LRRC4C: variants seen among roughly 807,000 people sequenced by gnomAD.
LRRC4C encodes leucine rich repeat containing 4C, also known as leucine-rich repeat-containing protein 4C.
A neutral mutation model predicts 33.6 loss-of-function variants in LRRC4C; 5 were observed. The observed-to-expected ratio is 0.15, with a 90% CI of 0.08 to 0.31. The LOEUF is 0.31. LRRC4C is among the 10% of genes least tolerant of loss of function. LRRC4C has a pLI of 1.00. For synonymous variants in LRRC4C, 329 were observed against 302.0 expected, an observed-to-expected ratio of 1.09 and a Z score of -0.93; for missense variants, 560 against 796.7, an observed-to-expected ratio of 0.70 and a Z score of 3.58.
At chr11:40,716,579 A>T (rs1207353216) in intron 2 of LRRC4C, among the ~76,000 whole-genome samples, 3 of 152,142 alleles carry the variant, frequency 2.0e-5, no homozygotes, top group Non-Finnish European at 4.4e-5. Flanking sequence ...TACTTACGAC[A>T]TTGCTCCCAC....
At chr11:41,405,519 G>T (rs918177463) in intron 1 of LRRC4C, among the ~76,000 whole-genome samples, 2 of 152,090 alleles carry the variant, frequency 1.3e-5, no homozygotes, top group African/African-American at 4.8e-5. Flanking sequence ...AGAACCATAT[G>T]CAAACCAGGT....
intron 4 of LRRC4C, among the ~76,000 whole-genome samples, chr11:40,271,183 T>C (rs1406056757): frequency 1.3e-5 from 2 of 152,080 alleles, no homozygotes; most frequent in Non-Finnish European, 2.9e-5. Flanking sequence ...GGTCTCCTAT[T>C]CCAAAACCAG....
At chr11:41,411,332 T>C (rs1321022738) in intron 1 of LRRC4C, among the ~76,000 whole-genome samples, 2 of 151,188 alleles carry the variant, frequency 1.3e-5, no homozygotes, top group Non-Finnish European at 2.9e-5. Flanking sequence ...GTATTTTTAG[T>C]GGAGACGGGG....
intron 4 of LRRC4C, among the ~76,000 whole-genome samples, chr11:40,282,992 A>G (rs1943581704): frequency 2.0e-5 from 3 of 152,180 alleles, no homozygotes; most frequent in African/African-American, 7.2e-5. Context: ...TCAAACTTAA[A>G]ATTTACATTC....
At chr11:41,260,816 A>G (rs1289841870) in intron 1 of LRRC4C, among the ~76,000 whole-genome samples, 3 of 151,996 alleles carry the variant, frequency 2.0e-5, no homozygotes, top group African/African-American at 7.2e-5. Context: ...ATACCACAGA[A>G]CTTGCTATTC....
intron 1 of LRRC4C, among the ~76,000 whole-genome samples, chr11:40,965,077 A>C (rs948989864): frequency 3.3e-5 from 5 of 152,072 alleles, no homozygotes; most frequent in East Asian, 1.9e-4. Flanking sequence ...CTGGTGTGAG[A>C]TGGTATCTCA....
chr11:41,215,185 A>C (rs1479525073), intron 1 of LRRC4C, among the ~76,000 whole-genome samples: 1 of 151,636 alleles, frequency 6.6e-6, no homozygotes, highest in Non-Finnish European at 1.5e-5. Context: ...CTATCAATTG[A>C]AAAAAATTTT....
intron 1 of LRRC4C, among the ~76,000 whole-genome samples, chr11:41,071,545 T>A (rs1273650946): frequency 6.6e-6 from 1 of 152,198 alleles, no homozygotes; most frequent in Non-Finnish European, 1.5e-5. Flanking sequence ...GTATACTGAA[T>A]ACTTTAATCC....
intron 1 of LRRC4C, among the ~76,000 whole-genome samples, chr11:41,283,576 T>C (rs1483670972): frequency 2.6e-5 from 4 of 152,226 alleles, no homozygotes; most frequent in Admixed American, 2.6e-4. Flanking sequence ...TCAGTGTCCA[T>C]AAATGTTTTA....
chr11:41,452,906 C>G (rs1300759220), intron 1 of LRRC4C, among the ~76,000 whole-genome samples: 1 of 152,032 alleles, frequency 6.6e-6, no homozygotes, highest in Non-Finnish European at 1.5e-5. Context: ...ACTATTACTA[C>G]TAATGATTAT....
chr11:41,176,632 A>T (rs1945209820), intron 1 of LRRC4C, among the ~76,000 whole-genome samples: 2 of 152,194 alleles, frequency 1.3e-5, no homozygotes, highest in African/African-American at 4.8e-5. Context: ...TCTAATAGTT[A>T]TAAATACTGT....
chr11:40,926,064 GGGTT>G (rs1957396419), intron 2 of LRRC4C, among the ~76,000 whole-genome samples: 1 of 128,486 alleles, frequency 7.8e-6, no homozygotes, highest in African/African-American at 2.5e-5. Flanking sequence ...CCAAATCTAA[GGGTT>G]TTTTGTTGTT....
intron 1 of LRRC4C, among the ~76,000 whole-genome samples, chr11:41,440,934 A>C (rs1311758398): frequency 6.6e-6 from 1 of 152,168 alleles, no homozygotes; most frequent in Non-Finnish European, 1.5e-5. Flanking sequence ...TAAATTACCC[A>C]ATCCCAGGTA....
intron 1 of LRRC4C, among the ~76,000 whole-genome samples, chr11:40,993,063 TTAAAA>T (rs1385154354): frequency 2.0e-4 from 31 of 152,206 alleles, no homozygotes; most frequent in Non-Finnish European, 3.7e-4. Context: ...ACTATGGCAA[TTAAAA>T]TAAAATAATA....
intron 3 of LRRC4C, among the ~76,000 whole-genome samples, chr11:40,533,613 C>T (rs1956357904): frequency 6.6e-6 from 1 of 152,124 alleles, no homozygotes; most frequent in South Asian, 2.1e-4. Flanking sequence ...GGTTTTATAG[C>T]TGTTGCTTTT....
intron 3 of LRRC4C, among the ~76,000 whole-genome samples, chr11:40,411,278 T>C (rs1272469357): frequency 1.3e-5 from 2 of 152,144 alleles, no homozygotes; most frequent in Non-Finnish European, 1.5e-5. Context: ...CTTACTTAGT[T>C]CACTTTTTGT....
chr11:40,936,286 T>C (rs1003932417), intron 1 of LRRC4C, among the ~76,000 whole-genome samples: 93 of 149,958 alleles, frequency 6.2e-4, no homozygotes, highest in African/African-American at 2.1e-3. Context: ...GAGAAATATG[T>C]CATATGCTAA....
intron 2 of LRRC4C, among the ~76,000 whole-genome samples, chr11:40,765,333 G>A (rs991327215): frequency 3.3e-5 from 5 of 152,274 alleles, no homozygotes; most frequent in Non-Finnish European, 7.4e-5. Flanking sequence ...CATGTAAGAT[G>A]TGCCTGCTTA....
At chr11:40,212,540 A>C (rs1047076698) in intron 5 of LRRC4C, among the ~76,000 whole-genome samples, 1 of 152,158 alleles carries the variant, frequency 6.6e-6, no homozygotes, top group Non-Finnish European at 1.5e-5. Context: ...ATGAAATGTT[A>C]TATCTCTTCC....
Sources: gnomAD v4.1 joint callset for allele counts (sites outside exome capture counted in the v4.1 genomes callset) on GRCh38, gnomAD v4.1.1 for gene constraint, MANE v1.5 for transcripts, NCBI Gene and HGNC (gene_info 2026-07-23, HGNC 2026-07-21) for gene names.